Variants in ACVR2A observed in about 807,000 individuals in gnomAD.
ACVR2A encodes the protein activin A receptor type 2A.
ACVR2A carries 7 observed loss-of-function variants against 61.4 expected under a neutral mutation model. The ratio of observed to expected loss-of-function variants is 0.11; its 90% confidence interval spans 0.06 to 0.21. The LOEUF is 0.21. ACVR2A is among the 10% of genes least tolerant of loss of function. The pLI is 1.00. For synonymous variants in ACVR2A, 193 were observed against 208.3 expected (o/e 0.93, Z 0.63); for missense variants, 322 against 621.7 (o/e 0.52, Z 5.13).
chr2:147,884,886 T>C (rs1407725855), intron 1 of ACVR2A, among the ~76,000 whole-genome samples: 1 of 152,144 alleles, frequency 6.6e-6, no homozygotes, highest in African/African-American at 2.4e-5. Flanking sequence ...CTCTATTCTT[T>C]TGATGACTTC....
intron 1 of ACVR2A, among the ~76,000 whole-genome samples, chr2:147,894,593 A>C (rs1244902615): frequency 3.9e-5 from 6 of 152,130 alleles, no homozygotes. Flanking sequence ...AATATTTAAA[A>C]GTCACATTTA....
At chr2:147,875,668 G>A (rs1686135652) in intron 1 of ACVR2A, among the ~76,000 whole-genome samples, 1 of 151,968 alleles carries the variant, frequency 6.6e-6, no homozygotes, top group Non-Finnish European at 1.5e-5. Context: ...AAATATGTAG[G>A]TGCTGTCTAC....
chr2:147,847,235 AAT>A (rs992320400), intron 1 of ACVR2A, among the ~76,000 whole-genome samples: 2 of 152,154 alleles, frequency 1.3e-5, no homozygotes, highest in African/African-American at 4.8e-5. Context: ...GTTGAACTAA[AAT>A]ATGTGATTCT....
At chr2:147,851,346 G>T (rs1685445727) in intron 1 of ACVR2A, among the ~76,000 whole-genome samples, 1 of 151,922 alleles carries the variant, frequency 6.6e-6, no homozygotes. Flanking sequence ...ACTTAACCTT[G>T]GTCAAGTTAC....
intron 1 of ACVR2A, among the ~76,000 whole-genome samples, chr2:147,891,134 C>T (rs1488798233): frequency 1.3e-5 from 2 of 152,110 alleles, no homozygotes; most frequent in Admixed American, 6.6e-5. Context: ...TAAAAATATC[C>T]TCAAAATCTT....
At chr2:147,885,117 A>G (rs1686395839) in intron 1 of ACVR2A, among the ~76,000 whole-genome samples, 1 of 151,988 alleles carries the variant, frequency 6.6e-6, no homozygotes, top group South Asian at 2.1e-4. Flanking sequence ...GGCCTTGTGA[A>G]TTGTTGATTT....
chr2:147,847,339 TTTG>T (rs1685336385), intron 1 of ACVR2A, among the ~76,000 whole-genome samples: 2 of 152,088 alleles, frequency 1.3e-5, no homozygotes, highest in Non-Finnish European at 2.9e-5. Flanking sequence ...TTAAAAGCCT[TTTG>T]TTATGGATCA....
intron 9 of ACVR2A, among the ~76,000 whole-genome samples, chr2:147,924,316 C>A (rs1231158250): frequency 6.6e-6 from 1 of 151,972 alleles, no homozygotes; most frequent in South Asian, 2.1e-4. Flanking sequence ...AGACCTTATT[C>A]TCAAGTAATA....
At chr2:147,865,396 G>T (rs1462887836) in intron 1 of ACVR2A, among the ~76,000 whole-genome samples, 1 of 152,082 alleles carries the variant, frequency 6.6e-6, no homozygotes. Flanking sequence ...CTAATCTAAA[G>T]CATTCTTATT....
In ACVR2A at chr2:147,918,324, T is replaced by C. The variant is rs761047774; in HGVS notation, c.817-123T>C. Reference sequence around the variant, plus strand: ...ATTTGAACCATTCCAGAAAGATTGTTTCTTGGATATTATTTTTCCCTGAAA... The same window carrying C: ...ATTTGAACCATTCCAGAAAGATTGTCTCTTGGATATTATTTTTCCCTGAAA... On this transcript the variant is annotated intron_variant, in intron 6 of 10. Coordinates refer to ENST00000241416, the MANE Select transcript of ACVR2A (RefSeq NM_001616.5). The C allele has an allele frequency of 2.4e-4, 185 of 764,488 alleles. 1 individual carries two copies. The highest frequency in any genetic ancestry group is 1.5e-3 in the Middle Eastern group (4 of 2,618). The allele number at this position is 764,488 out of a possible 1,614,324, so 47.4% of individuals were successfully genotyped here.
At chr2:147,855,030 G>A (rs533584929) in intron 1 of ACVR2A, among the ~76,000 whole-genome samples, 46 of 152,120 alleles carry the variant, frequency 3.0e-4, no homozygotes, top group African/African-American at 1.0e-3. Flanking sequence ...ACAGGCATGC[G>A]CCACCATGCC....
At position 147,926,957 on chromosome 2, in the gene ACVR2A, GTGAA is replaced by G. The variant is rs563994941; in HGVS notation, c.1348-120_1348-117del. ...ATTCTGCACATGGTAGTCAATAAAA[GTGAA>G]TGTTGACAGAAACTTCTTTGACCCA... On this transcript the variant is annotated intron_variant, in intron 10 of 10. Transcript: ENST00000241416. 4.8e-4 allele frequency: 433 copies of G among 908,630 alleles called. No individual in the cohort carries two copies. The African/African-American group carries it at 6.2e-3, about 13-fold the overall frequency. The allele number at this position is 908,630 out of a possible 1,614,324, so 56.3% of individuals were successfully genotyped here. A position where few individuals can be genotyped will look rare whatever the true frequency, so the allele number is the denominator to read the frequency against.
At chr2:147,902,493 C>T (rs1686892238) in intron 4 of ACVR2A, among the ~76,000 whole-genome samples, 1 of 151,874 alleles carries the variant, frequency 6.6e-6, no homozygotes, top group East Asian at 1.9e-4. Flanking sequence ...ATTTGTATGA[C>T]TACTAAAATG....
chr2:147,854,629 A>T (rs1419833195), intron 1 of ACVR2A, among the ~76,000 whole-genome samples: 1 of 152,226 alleles, frequency 6.6e-6, no homozygotes, highest in Non-Finnish European at 1.5e-5. Flanking sequence ...AAAGAGGGTG[A>T]AATAGGTATT....
At chr2:147,875,835 C>T (rs951753495) in intron 1 of ACVR2A, among the ~76,000 whole-genome samples, 4 of 152,176 alleles carry the variant, frequency 2.6e-5, no homozygotes, top group Non-Finnish European at 5.9e-5. Flanking sequence ...CCACAGGTTA[C>T]AAGTGTTTAG....
intron 1 of ACVR2A, among the ~76,000 whole-genome samples, chr2:147,895,558 T>C (rs1686710744): frequency 6.6e-6 from 1 of 152,150 alleles, no homozygotes; most frequent in Non-Finnish European, 1.5e-5. Context: ...GTCTTGACAT[T>C]ACAAGAAAAA....
At chr2:147,898,614 G>A (rs1686799934) in intron 2 of ACVR2A, among the ~76,000 whole-genome samples, 1 of 151,770 alleles carries the variant, frequency 6.6e-6, no homozygotes, top group Non-Finnish European at 1.5e-5. Context: ...AAAAAGTTCA[G>A]TTTGTTATTA....
chr2:147,924,010 A>AATTT (rs1383973123), intron 9 of ACVR2A, among the ~76,000 whole-genome samples: 1 of 152,042 alleles, frequency 6.6e-6, no homozygotes, highest in Admixed American at 6.6e-5. Context: ...TATTAAAGGG[A>AATTT]ATTTAATAGA....
intron 1 of ACVR2A, among the ~76,000 whole-genome samples, chr2:147,854,418 A>T (rs1444143493): frequency 6.6e-6 from 1 of 152,188 alleles, no homozygotes; most frequent in Non-Finnish European, 1.5e-5. Context: ...AAGATTCTCA[A>T]GTCTGTTTTT....
Sources: gnomAD v4.1 joint callset for allele counts (sites outside exome capture counted in the v4.1 genomes callset) on GRCh38, gnomAD v4.1.1 for gene constraint, MANE v1.5 for transcripts, NCBI Gene and HGNC (gene_info 2026-07-23, HGNC 2026-07-21) for gene names.